Variants in PCDHGA9 observed in about 807,000 individuals in gnomAD.
The protein encoded by PCDHGA9 is protocadherin gamma-A9.
In PCDHGA9, 37 loss-of-function variants were observed where a neutral mutation model predicts 62.5. That is an observed-to-expected ratio of 0.59 (90% CI 0.46 to 0.78). PCDHGA9 has a LOEUF of 0.78. Ranked by LOEUF, PCDHGA9 falls within the 30% of genes least tolerant of loss-of-function variation. The pLI is 0.00. For synonymous variants in PCDHGA9, 459 were observed against 484.6 expected, an observed-to-expected ratio of 0.95 and a Z score of 0.69; for missense variants, 1,138 against 1,166.2, an observed-to-expected ratio of 0.98 and a Z score of 0.35.
At chr5:141,428,145 A>T (rs748256830) in intron 1 of PCDHGA9, 11 of 1,592,456 alleles carry the variant, frequency 6.9e-6, no homozygotes, top group Non-Finnish European at 8.6e-7. Flanking sequence ...GGGGCTGCAC[A>T]CGGGAACCTG....
intron 1 of PCDHGA9, chr5:141,421,183 A>G (rs1286755310): frequency 2.7e-6 from 4 of 1,457,360 alleles, no homozygotes; most frequent in Admixed American, 4.8e-5. Flanking sequence ...CCGATTCACA[A>G]CCAACCAGCT....
At chr5:141,494,991 G>A in intron 2 of PCDHGA9, 126 bp downstream of exon 2, 1 of 1,551,148 alleles carries the variant, frequency 6.4e-7, no homozygotes, top group Non-Finnish European at 8.7e-7. Context: ...AGATCCCAGG[G>A]AGGTCTTGGT....
Position 141,476,642 on chromosome 5 carries a change from C to G in PCDHGA9, c.2425-18165C>G. 6.2e-7 allele frequency: 1 copy of G among 1,614,240 alleles called. No homozygotes were observed. The highest frequency in any genetic ancestry group is 8.5e-7 in the Non-Finnish European group (1 of 1,180,050). ...CTCTTTACAAACCTATGAGCTGAGC[C>G]GAAATGAATACTTTGCGCTTCGCGT... On this transcript the variant is annotated intron_variant, in intron 1 of 3. Transcript: ENST00000573521. This position sits in a 1 kb window ranked among gnomAD's most constrained non-coding sequence, Gnocchi z 7.6.
rs182635391 is a variant in PCDHGA9, at chr5:141,405,052, C to A, written c.2100C>A (p.Val700=). The A allele has an allele frequency of 2.0e-4, 329 of 1,613,956 alleles. No homozygotes were observed. Among genetic ancestry groups the A allele is most frequent in the Non-Finnish European group, 2.5e-4 (297 of 1,179,806 alleles). Residue 700 remains valine (V), a synonymous_variant, in exon 1 of 4, where the codon GTC becomes GTA. Transcript: ENST00000573521. ...ACCTCGTTGTGGCTGTGGCAGTCGTCTCCTGTGTCTTCCTCACCTTCGTTA... is the reference window on the plus strand; with the variant it reads ...ACCTCGTTGTGGCTGTGGCAGTCGTATCCTGTGTCTTCCTCACCTTCGTTA... ...TLYLVVAVAV[V]SCVFLTFVIT...
intron 3 of PCDHGA9, among the ~76,000 whole-genome samples, chr5:141,509,622 T>C (rs2099877603): frequency 6.6e-6 from 1 of 152,186 alleles, no homozygotes; most frequent in Non-Finnish European, 1.5e-5. Flanking sequence ...AACAAGTTCC[T>C]GGGTGATGCT....
In PCDHGA9 at chr5:141,404,896, C is replaced by T. The variant is rs182502698; in HGVS notation, c.1944C>T (p.Asp648=). ...AGAGCCTTGTGGTGGCTGTACAGGA[C>T]CATGGCCAGCCCCCTCTCTCGGCCA... ...LKQSLVVAVQ[D]HGQPPLSATV... Residue 648 remains aspartate, a synonymous_variant, in exon 1 of 4, where the codon GAC becomes GAT. Transcript: ENST00000573521. The T allele has an allele frequency of 3.7e-5, 59 of 1,613,884 alleles. No homozygotes were observed. The Admixed American group carries it at 8.3e-4, about 23-fold the overall frequency.
At chr5:141,495,014 G>A (rs561045298) in intron 2 of PCDHGA9, 149 bp downstream of exon 2, 13 of 1,510,430 alleles carry the variant, frequency 8.6e-6, no homozygotes, top group South Asian at 7.5e-5. Flanking sequence ...GCGGGGGGCT[G>A]GCACACAGAC....
At chr5:141,460,010 G>A (rs376180479) in intron 1 of PCDHGA9, among the ~76,000 whole-genome samples, 1 of 152,126 alleles carries the variant, frequency 6.6e-6, no homozygotes, top group Admixed American at 6.5e-5. Context: ...CCCAGGAGGC[G>A]GAGGTTGCAG....
At chr5:141,409,960 C>T (rs1182396334) in intron 1 of PCDHGA9, 1 of 1,613,416 alleles carries the variant, frequency 6.2e-7, no homozygotes. Context: ...AGCCCGGCTA[C>T]CTAGTGACTA....
chr5:141,485,737 C>T lies in PCDHGA9; in HGVS notation c.2425-9070C>T. On this transcript the variant is annotated intron_variant, in intron 1 of 3. Coordinates refer to ENST00000573521, the MANE Select transcript of PCDHGA9 (RefSeq NM_018921.3). The surrounding 1 kb of genome is among the most constrained non-coding windows in gnomAD (Gnocchi z 5.7). ...TGGATGTGAAGAAGCGCAGCGACGGCAGCCTGGTCCCAGAGCTGCTCCTGG... is the reference window on the plus strand; with the variant it reads ...TGGATGTGAAGAAGCGCAGCGACGGTAGCCTGGTCCCAGAGCTGCTCCTGG... 6.2e-7 allele frequency: 1 copy of T among 1,614,222 alleles called. No individual in the cohort carries two copies. Among genetic ancestry groups the T allele is most frequent in the Non-Finnish European group, 8.5e-7 (1 of 1,180,036 alleles).
intron 3 of PCDHGA9, among the ~76,000 whole-genome samples, chr5:141,509,776 C>T (rs898626809): frequency 7.2e-5 from 11 of 152,140 alleles, no homozygotes; most frequent in African/African-American, 9.7e-5. Context: ...GTCTAGTCCC[C>T]GAGATCATCA....
intron 1 of PCDHGA9, chr5:141,414,451 G>C (rs1390702349): frequency 1.9e-6 from 3 of 1,613,874 alleles, no homozygotes; most frequent in Non-Finnish European, 2.5e-6. Context: ...CAATATCACA[G>C]TGACAGCCAC....
At chr5:141,415,750 T>TTTG in intron 1 of PCDHGA9, 2 of 1,313,212 alleles carry the variant, frequency 1.5e-6, no homozygotes, top group African/African-American at 1.6e-5. Context: ...GTTTTTTTTT[T>TTTG]TTTTTTTTTT....
Position 141,476,024 on chromosome 5 carries a change from C to T in PCDHGA9, c.2425-18783C>T. ...ATCCAGAAAGCCATGTCGGACTCGG[C>T]GCCCAGCGCCCAAGCGCTAACCCGC... On this transcript the variant is annotated intron_variant, in intron 1 of 3. Coordinates refer to ENST00000573521, the MANE Select transcript of PCDHGA9 (RefSeq NM_018921.3). The surrounding 1 kb of genome is among the most constrained non-coding windows in gnomAD (Gnocchi z 7.6). The T allele has an allele frequency of 1.4e-6, 2 of 1,416,548 alleles. No individual in the cohort carries two copies. Among genetic ancestry groups the T allele is most frequent in the Non-Finnish European group, 9.5e-7 (1 of 1,058,066 alleles). 87.7% of individuals were successfully genotyped at this position (1,416,548 alleles called of 1,614,324 possible).
In PCDHGA9 at chr5:141,477,854, C is replaced by G; in HGVS notation, c.2425-16953C>G. 3.1e-6 allele frequency: 5 copies of G among 1,614,098 alleles called. No individual in the cohort carries two copies. Among genetic ancestry groups the G allele is most frequent in the Non-Finnish European group, 4.2e-6 (5 of 1,180,004 alleles). ...GCCAGGTGGGAGCTCGGTGGAGATG[C>G]TGCCTCGAGGTACCTCAGCTGGCCA... On this transcript the variant is annotated intron_variant, in intron 1 of 3. Transcript: ENST00000573521. This position sits in a 1 kb window ranked among gnomAD's most constrained non-coding sequence, Gnocchi z 4.9.
Position 141,432,741 on chromosome 5 carries a change from C to A in PCDHGA9, c.2424+27365C>A. 6.2e-7 allele frequency: 1 copy of A among 1,614,106 alleles called. No individual in the cohort carries two copies. The highest frequency in any genetic ancestry group is 8.5e-7 in the Non-Finnish European group (1 of 1,179,988). On this transcript the variant is annotated intron_variant, in intron 1 of 3. Transcript: ENST00000573521. The surrounding 1 kb of genome is among the most constrained non-coding windows in gnomAD (Gnocchi z 6.0). ...CCTCTCTCCGCCACTGTCACGCTCA[C>A]CGTGGCCGTGGCCGACAGCATCCCC...
At chr5:141,408,615 T>A in intron 1 of PCDHGA9, 1 of 1,613,940 alleles carries the variant, frequency 6.2e-7, no homozygotes, top group Non-Finnish European at 8.5e-7. Flanking sequence ...AAAAAGGAAA[T>A]ACATTTAGAA....
intron 1 of PCDHGA9, among the ~76,000 whole-genome samples, chr5:141,447,221 C>A (rs1034853072): frequency 6.6e-6 from 1 of 152,026 alleles, no homozygotes; most frequent in Non-Finnish European, 1.5e-5. Context: ...CTCACTGCAA[C>A]CTCCGCCTCC....
chr5:141,443,317 C>CAAA (rs35054295), intron 1 of PCDHGA9, among the ~76,000 whole-genome samples: 8 of 142,020 alleles, frequency 5.6e-5, no homozygotes, highest in African/African-American at 2.1e-4. Context: ...CCCATCTCTA[C>CAAA]AAAAAAAAAA....
Sources: allele counts gnomAD v4.1 joint callset (sites outside exome capture counted in the v4.1 genomes callset), GRCh38; gene constraint gnomAD v4.1.1; non-coding constraint Gnocchi (gnomAD v3.1); transcripts MANE v1.5; gene names NCBI Gene and HGNC (gene_info 2026-07-23, HGNC 2026-07-21).